Variants in SNX9 observed in about 807,000 individuals in gnomAD.
SNX9 encodes sorting nexin-9.
In SNX9, 44 loss-of-function variants were observed where a neutral mutation model predicts 89.4. That is an observed-to-expected ratio of 0.49 (90% CI 0.39 to 0.63). The LOEUF (loss-of-function observed/expected upper bound fraction) is 0.63, where lower values mean the gene tolerates loss of function less well. Ranked by LOEUF, SNX9 falls within the 30% of genes least tolerant of loss-of-function variation. The pLI is 0.00. For synonymous variants in SNX9, 236 were observed against 247.8 expected (o/e 0.95, Z 0.45); for missense variants, 578 against 736.1 (o/e 0.79, Z 2.49).
chr6:157,899,523 A>G (rs947496666), intron 5 of SNX9, among the ~76,000 whole-genome samples: 11 of 152,316 alleles, frequency 7.2e-5, no homozygotes, highest in African/African-American at 2.2e-4. Flanking sequence ...CTGTAATCCC[A>G]GCAGTTTGGG....
intron 1 of SNX9, among the ~76,000 whole-genome samples, chr6:157,843,111 A>C (rs1264554138): frequency 6.6e-6 from 1 of 152,158 alleles, no homozygotes; most frequent in African/African-American, 2.4e-5. Context: ...TAATTTTGCA[A>C]AGGTGGTTTC....
chr6:157,867,502 CTGTTTG>C (rs1562598850), intron 1 of SNX9, 39 bp from the exon 2 acceptor site: 2 of 1,502,910 alleles, frequency 1.3e-6, no homozygotes, highest in Non-Finnish European at 1.8e-6. Context: ...TTTTACTACT[CTGTTTG>C]TGTTTGTAAC....
rs1783587011 is a variant in SNX9, at chr6:157,921,695, ATTGAGAG to A, written c.1080+38_1080+44del. The A allele has an allele frequency of 1.9e-6, 3 of 1,598,006 alleles. No homozygotes were observed. In the African/African-American group the frequency reaches 4.0e-5, roughly 21 times the overall value. ...TTGTGTTAATATGGCATCAGAGAAT[ATTGAGAG>A]TTGTCTCATTCACACCAAACTTATT... On this transcript the variant is annotated intron_variant, in intron 10 of 17. Transcript: ENST00000392185.
intron 1 of SNX9, among the ~76,000 whole-genome samples, chr6:157,852,216 C>T (rs568193724): frequency 1.1e-4 from 16 of 152,152 alleles, no homozygotes; most frequent in African/African-American, 3.6e-4. Context: ...ATTTTATATT[C>T]CCACCAACCA....
intron 1 of SNX9, among the ~76,000 whole-genome samples, chr6:157,859,362 G>A (rs1410313678): frequency 1.3e-5 from 2 of 152,160 alleles, no homozygotes; most frequent in African/African-American, 4.8e-5. Flanking sequence ...TATATGCCCT[G>A]TTCCATAAGT....
intron 9 of SNX9, among the ~76,000 whole-genome samples, chr6:157,914,480 T>TTTTTTTTTTTTTTTTTTTC (rs1562616572): frequency 1.5e-5 from 2 of 133,330 alleles, no homozygotes; most frequent in African/African-American, 3.0e-5. Context: ...TTTTTTTTTT[T>TTTTTTTTTTTTTTTTTTTC]TTTTTTTTTT....
At chr6:157,884,436 TAAAAG>T (rs748211268) in intron 4 of SNX9, among the ~76,000 whole-genome samples, 7 of 152,216 alleles carry the variant, frequency 4.6e-5, no homozygotes, top group Non-Finnish European at 8.8e-5. Flanking sequence ...AATAAATTGA[TAAAAG>T]AAACCCTCAC....
intron 1 of SNX9, among the ~76,000 whole-genome samples, chr6:157,846,072 C>T (rs537311645): frequency 3.3e-4 from 51 of 152,326 alleles, no homozygotes; most frequent in African/African-American, 1.2e-3. Context: ...GTGTCTCTTA[C>T]GGCCCTCCTG....
At chr6:157,871,920 G>T (rs1782421823) in intron 2 of SNX9, among the ~76,000 whole-genome samples, 1 of 151,810 alleles carries the variant, frequency 6.6e-6, no homozygotes, top group Non-Finnish European at 1.5e-5. Context: ...GGGATTACAG[G>T]TGTGAGCCAC....
chr6:157,941,502 C>G (rs1174355842), intron 17 of SNX9, among the ~76,000 whole-genome samples: 3 of 152,314 alleles, frequency 2.0e-5, no homozygotes, highest in African/African-American at 7.2e-5. Context: ...ATTTTTCTTA[C>G]CTCTGCTTAG....
At chr6:157,928,317 A>G (rs770747810) in intron 11 of SNX9, among the ~76,000 whole-genome samples, 6 of 152,218 alleles carry the variant, frequency 3.9e-5, no homozygotes, top group Non-Finnish European at 7.3e-5. Flanking sequence ...GAATTTTCCT[A>G]AATAAGATAT....
At chr6:157,829,603 T>C (rs148020677) in intron 1 of SNX9, among the ~76,000 whole-genome samples, 1 of 152,234 alleles carries the variant, frequency 6.6e-6, no homozygotes, top group African/African-American at 2.4e-5. Flanking sequence ...TTGATGGTGA[T>C]GCTAAAATGG....
At chr6:157,871,441 G>A (rs1782408782) in intron 2 of SNX9, among the ~76,000 whole-genome samples, 1 of 152,014 alleles carries the variant, frequency 6.6e-6, no homozygotes, top group Non-Finnish European at 1.5e-5. Context: ...AATATGCTAG[G>A]TGTGCATGTT....
intron 4 of SNX9, among the ~76,000 whole-genome samples, chr6:157,875,615 T>C (rs1026503427): frequency 5.3e-5 from 8 of 152,112 alleles, no homozygotes; most frequent in Non-Finnish European, 1.2e-4. Flanking sequence ...ATCCTGCGAG[T>C]AGAAGCAGTG....
At chr6:157,869,907 C>T (rs1324898569) in intron 2 of SNX9, among the ~76,000 whole-genome samples, 1 of 152,036 alleles carries the variant, frequency 6.6e-6, no homozygotes, top group African/African-American at 2.4e-5. Context: ...GCGCACACAC[C>T]TCGCACCCTC....
At chr6:157,831,904 T>C (rs1305548179) in intron 1 of SNX9, among the ~76,000 whole-genome samples, 1 of 152,210 alleles carries the variant, frequency 6.6e-6, no homozygotes, top group Admixed American at 6.5e-5. Flanking sequence ...GTGGAATATG[T>C]GCATGAAAGT....
intron 1 of SNX9, 62 bp from the exon 2 acceptor site, chr6:157,867,485 T>G: frequency 7.6e-7 from 1 of 1,323,368 alleles, no homozygotes; most frequent in Non-Finnish European, 1.1e-6. Flanking sequence ...CTGTACACCT[T>G]TTGTGTTTTT....
chr6:157,834,961 A>T (rs1195561742), intron 1 of SNX9, among the ~76,000 whole-genome samples: 2 of 152,324 alleles, frequency 1.3e-5, no homozygotes, highest in African/African-American at 4.8e-5. Context: ...CAATAGGTTG[A>T]GCTGTCTGAA....
intron 1 of SNX9, among the ~76,000 whole-genome samples, chr6:157,839,404 T>C (rs1007354582): frequency 6.6e-6 from 1 of 152,198 alleles, no homozygotes; most frequent in Non-Finnish European, 1.5e-5. Context: ...TTATGAAGCA[T>C]ATGTATTTTC....
Sources: gnomAD v4.1 joint callset for allele counts (sites outside exome capture counted in the v4.1 genomes callset) on GRCh38, gnomAD v4.1.1 for gene constraint, MANE v1.5 for transcripts, NCBI Gene and HGNC (gene_info 2026-07-23, HGNC 2026-07-21) for gene names.